The following CLSTN2 variants were observed in gnomAD, a reference collection of about 807,000 sequenced individuals.
CLSTN2 encodes the protein calsyntenin 2, also known as calsyntenin-2.
Under a neutral mutation model 101.2 loss-of-function variants are expected in CLSTN2, and 48 were observed. The observed-to-expected ratio is 0.47, with a 90% CI of 0.38 to 0.60. The LOEUF (loss-of-function observed/expected upper bound fraction) is 0.60. Ranked by LOEUF, CLSTN2 falls within the 20% of genes least tolerant of loss-of-function variation. The probability of loss-of-function intolerance (pLI) is 0.00; values close to 1 mark genes in which losing one functional copy is unlikely to be tolerated. For synonymous variants in CLSTN2, 481 were observed against 463.6 expected (o/e 1.04, Z -0.48); for missense variants, 1,160 against 1,238.2 (o/e 0.94, Z 0.95).
intron 1 of CLSTN2, among the ~76,000 whole-genome samples, chr3:139,957,994 G>A (rs1935442163): frequency 6.6e-6 from 1 of 152,188 alleles, no homozygotes; most frequent in South Asian, 2.1e-4. Context: ...GTTACTGCCT[G>A]TGTGAAAGCA....
At chr3:140,372,394 C>A (rs185756370) in intron 2 of CLSTN2, among the ~76,000 whole-genome samples, 2 of 152,352 alleles carry the variant, frequency 1.3e-5, no homozygotes, top group African/African-American at 2.4e-5. Context: ...CTTTTCCCAC[C>A]TTCCTGGTTA....
At position 140,115,741 on chromosome 3, in the gene CLSTN2, T is replaced by C. The variant is rs1368969906; in HGVS notation, c.110-60210T>C. ...CATGCCCCAAGAGATGGGTTGAAAC[T>C]TTAAGGAAGTCTTCACTGAGAAAAC... On this transcript the variant is annotated intron_variant, in intron 1 of 16. Coordinates refer to ENST00000458420, the MANE Select transcript of CLSTN2 (RefSeq NM_022131.3). Among the ~76,000 whole-genome samples the C allele has an allele frequency of 3.9e-5, 6 of 152,294 alleles. No homozygotes were observed. In the South Asian group the frequency reaches 1.2e-3, roughly 32 times the overall value.
chr3:140,412,416 C>T (rs1304477967), intron 4 of CLSTN2, among the ~76,000 whole-genome samples: 2 of 152,116 alleles, frequency 1.3e-5, no homozygotes, highest in Non-Finnish European at 2.9e-5. Context: ...CTGAACAGTC[C>T]ATGCAGAGTA....
intron 2 of CLSTN2, among the ~76,000 whole-genome samples, chr3:140,245,023 C>G (rs1281211201): frequency 6.6e-6 from 1 of 152,198 alleles, no homozygotes; most frequent in African/African-American, 2.4e-5. Flanking sequence ...AAACTTGCCT[C>G]CCTCATACCA....
At chr3:140,561,819 A>G (rs1935921183) in intron 12 of CLSTN2, among the ~76,000 whole-genome samples, 2 of 152,166 alleles carry the variant, frequency 1.3e-5, no homozygotes, top group African/African-American at 4.8e-5. Context: ...TGCCTGCCTT[A>G]TAGATGAGGA....
intron 1 of CLSTN2, among the ~76,000 whole-genome samples, chr3:139,963,856 G>T (rs1429995902): frequency 2.0e-5 from 3 of 152,238 alleles, no homozygotes; most frequent in African/African-American, 7.2e-5. Flanking sequence ...AGAGCCCAGT[G>T]CTGAGCTGAG....
chr3:140,262,811 G>A (rs1245944851), intron 2 of CLSTN2, among the ~76,000 whole-genome samples: 1 of 152,124 alleles, frequency 6.6e-6, no homozygotes, highest in South Asian at 2.1e-4. Flanking sequence ...AGATTCTCCA[G>A]TAGAATGTTG....
intron 5 of CLSTN2, among the ~76,000 whole-genome samples, chr3:140,421,480 TA>T (rs1486723418): frequency 6.6e-6 from 1 of 152,252 alleles, no homozygotes; most frequent in Non-Finnish European, 1.5e-5. Context: ...ACATCTCCTC[TA>T]ACCTCATGTG....
intron 1 of CLSTN2, among the ~76,000 whole-genome samples, chr3:140,174,208 C>G (rs1015144497): frequency 6.6e-6 from 1 of 152,140 alleles, no homozygotes; most frequent in Admixed American, 6.6e-5. Context: ...AGTTCAAAGT[C>G]CCACAAGTGT....
chr3:140,172,590 G>T (rs1259969941), intron 1 of CLSTN2, among the ~76,000 whole-genome samples: 1 of 152,136 alleles, frequency 6.6e-6, no homozygotes, highest in Non-Finnish European at 1.5e-5. Flanking sequence ...AAACTGGGTG[G>T]ATTAGTCCAT....
At chr3:140,213,380 A>G (rs1024294349) in intron 2 of CLSTN2, among the ~76,000 whole-genome samples, 2 of 152,338 alleles carry the variant, frequency 1.3e-5, no homozygotes, top group East Asian at 1.9e-4. Context: ...AGATCCTGAG[A>G]GTCCCTGGAC....
Position 140,232,091 on chromosome 3 carries a change from A to T in CLSTN2, c.232+56018A>T, listed in dbSNP as rs377053916. On this transcript the variant is annotated intron_variant, in intron 2 of 16. Coordinates refer to ENST00000458420, the MANE Select transcript of CLSTN2 (RefSeq NM_022131.3). ...GTGTCTACAGCACAGTACATACTAA[A>T]TAAATGTTAGGTATCAATTCTGTTC... 3.6e-4 allele frequency among the ~76,000 whole-genome samples: 55 copies of T among 152,314 alleles called. 1 individual carries two copies. In the East Asian group the frequency reaches 7.3e-3, roughly 20 times the overall value.
At chr3:140,039,774 T>C (rs964804794) in intron 1 of CLSTN2, among the ~76,000 whole-genome samples, 1 of 152,216 alleles carries the variant, frequency 6.6e-6, no homozygotes, top group African/African-American at 2.4e-5. Context: ...TATTTATGTG[T>C]GTTTGTGCAT....
chr3:140,340,947 T>C lies in CLSTN2; in HGVS notation c.233-62682T>C, dbSNP rs572778488. Among the ~76,000 whole-genome samples the C allele has an allele frequency of 9.8e-5, 15 of 152,310 alleles. No individual in the cohort carries two copies. In the South Asian group the frequency reaches 3.1e-3, roughly 32 times the overall value. On this transcript the variant is annotated intron_variant, in intron 2 of 16. Transcript: ENST00000458420. Reference sequence around the variant, plus strand: ...TGACTTTTTCATGATTAGATGAGGTTATGGGTTTTGAGGAGGAAGACCACA... The same window carrying C: ...TGACTTTTTCATGATTAGATGAGGTCATGGGTTTTGAGGAGGAAGACCACA...
chr3:140,025,716 G>A (rs552991938), intron 1 of CLSTN2, among the ~76,000 whole-genome samples: 5 of 152,266 alleles, frequency 3.3e-5, no homozygotes, highest in South Asian at 4.1e-4. Flanking sequence ...AACATATGAC[G>A]CAGTCCTCTC....
Position 139,998,306 on chromosome 3 carries a change from G to C in CLSTN2, c.109+62823G>C, listed in dbSNP as rs539104421. Among the ~76,000 whole-genome samples the C allele has an allele frequency of 4.3e-5, 6 of 138,080 alleles. No individual in the cohort carries two copies. In the South Asian group the frequency reaches 1.4e-3, roughly 32 times the overall value. The allele number at this position is 138,080 out of a possible 152,430, so 90.6% of individuals were successfully genotyped here. ...ATCTCCCAACCTCAGTTTTAAATTG[G>C]GATAATGGGATAATAGTTCCCCCAC... is the stretch of plus-strand genomic sequence containing the variant. On this transcript the variant is annotated intron_variant, in intron 1 of 16. Transcript: ENST00000458420.
chr3:139,971,587 G>A (rs1426196329), intron 1 of CLSTN2, among the ~76,000 whole-genome samples: 1 of 152,194 alleles, frequency 6.6e-6, no homozygotes, highest in African/African-American at 2.4e-5. Context: ...CCCCAAGCAG[G>A]AACAGTTGTT....
At chr3:140,501,627 T>A (rs1286416010) in intron 8 of CLSTN2, among the ~76,000 whole-genome samples, 1 of 151,806 alleles carries the variant, frequency 6.6e-6, no homozygotes, top group East Asian at 1.9e-4. Context: ...TGGTAAGAGT[T>A]GAGTTGTGTT....
chr3:140,416,365 C>CCA (rs1022823012), intron 4 of CLSTN2, among the ~76,000 whole-genome samples: 1 of 151,350 alleles, frequency 6.6e-6, no homozygotes, highest in East Asian at 1.9e-4. Context: ...ACTGAGCTCA[C>CCA]CACACACACA....
Sources: allele counts gnomAD v4.1 joint callset (sites outside exome capture counted in the v4.1 genomes callset), GRCh38; gene constraint gnomAD v4.1.1; transcripts MANE v1.5; gene names NCBI Gene and HGNC (gene_info 2026-07-23, HGNC 2026-07-21).